Variants in SOX5 observed in about 807,000 individuals in gnomAD.
The protein encoded by SOX5 is SRY-box transcription factor 5.
In SOX5, 9 loss-of-function variants were observed where a neutral mutation model predicts 92.0. The observed-to-expected ratio is 0.10, with a 90% confidence interval of 0.06 to 0.17. SOX5 has a LOEUF of 0.17. SOX5 is among the 10% of genes least tolerant of loss of function. SOX5 has a pLI of 1.00. For synonymous variants in SOX5, 344 were observed against 336.3 expected, an observed-to-expected ratio of 1.02 and a Z score of -0.25; for missense variants, 642 against 944.5, an observed-to-expected ratio of 0.68 and a Z score of 4.20.
chr12:23,648,985 A>G (rs74461386), intron 7 of SOX5, among the ~76,000 whole-genome samples: 1,976 of 152,294 alleles, frequency 0.013, 16 homozygotes, highest in Non-Finnish European at 0.02. Context: ...CGCTATTTCA[A>G]TGATATTCAC....
chr12:24,206,150 T>A (rs773449414), intron 4 of SOX5, among the ~76,000 whole-genome samples: 1 of 152,368 alleles, frequency 6.6e-6, no homozygotes, highest in East Asian at 1.9e-4. Context: ...AATATCATAT[T>A]ATTTAGATAA....
chr12:23,792,711 A>T (rs546055757), intron 3 of SOX5, among the ~76,000 whole-genome samples: 1 of 149,076 alleles, frequency 6.7e-6, no homozygotes, highest in East Asian at 2.0e-4. Context: ...CTGCCAAAGA[A>T]TTCCTTGGAA....
intron 10 of SOX5, among the ~76,000 whole-genome samples, chr12:23,574,192 C>T (rs1286322577): frequency 6.6e-6 from 1 of 151,952 alleles, no homozygotes; most frequent in African/African-American, 2.4e-5. Context: ...TCTTTTCTTA[C>T]CACACACAGC....
chr12:23,601,186 A>G (rs1162372630), intron 9 of SOX5, among the ~76,000 whole-genome samples: 1 of 152,128 alleles, frequency 6.6e-6, no homozygotes, highest in Non-Finnish European at 1.5e-5. Context: ...CAGAGGACTC[A>G]TGCTGTACAA....
At chr12:23,885,658 T>C (rs1442133575) in intron 2 of SOX5, among the ~76,000 whole-genome samples, 2 of 152,188 alleles carry the variant, frequency 1.3e-5, no homozygotes, top group Admixed American at 1.3e-4. Flanking sequence ...TCACACCTCA[T>C]CTGCTTACAT....
At chr12:24,245,223 G>A (rs1594754028) in intron 3 of SOX5, among the ~76,000 whole-genome samples, 2 of 143,436 alleles carry the variant, frequency 1.4e-5, no homozygotes, top group East Asian at 4.1e-4. Context: ...CATCATTTGT[G>A]TTTGGAGAGA....
intron 1 of SOX5, among the ~76,000 whole-genome samples, chr12:24,468,941 GA>G (rs763324946): frequency 2.0e-5 from 3 of 152,166 alleles, no homozygotes; most frequent in Non-Finnish European, 4.4e-5. Context: ...TGTTTCCACA[GA>G]CCAGGGTGGA....
chr12:24,195,955 G>T (rs922990620), intron 4 of SOX5, among the ~76,000 whole-genome samples: 1 of 152,138 alleles, frequency 6.6e-6, no homozygotes, highest in Non-Finnish European at 1.5e-5. Flanking sequence ...AGTTATCTTG[G>T]CTCACTGCAA....
chr12:24,382,447 A>T (rs1349715074), intron 1 of SOX5, among the ~76,000 whole-genome samples: 1 of 151,848 alleles, frequency 6.6e-6, no homozygotes, highest in Non-Finnish European at 1.5e-5. Context: ...GGGGGTATGG[A>T]GGAAAATGGC....
chr12:23,867,547 T>G (rs981023856), intron 2 of SOX5, among the ~76,000 whole-genome samples: 3 of 152,144 alleles, frequency 2.0e-5, no homozygotes, highest in Non-Finnish European at 4.4e-5. Flanking sequence ...AAGCTGGTAA[T>G]TGTGTTACTA....
At chr12:23,907,416 A>G (rs1412208943) in intron 1 of SOX5, among the ~76,000 whole-genome samples, 2 of 152,208 alleles carry the variant, frequency 1.3e-5, no homozygotes, top group Non-Finnish European at 1.5e-5. Context: ...TCAATAATAT[A>G]TAATTCAAAA....
chr12:23,783,606 A>G (rs2095323976), intron 3 of SOX5, among the ~76,000 whole-genome samples: 1 of 152,228 alleles, frequency 6.6e-6, no homozygotes. Flanking sequence ...TAGCAAACAG[A>G]AAATAATAAA....
chr12:24,200,474 G>A (rs1237703610), intron 4 of SOX5, among the ~76,000 whole-genome samples: 1 of 151,722 alleles, frequency 6.6e-6, no homozygotes, highest in African/African-American at 2.4e-5. Context: ...AACTCTGATT[G>A]TAATAGTAAA....
At chr12:24,460,627 A>C (rs974709879) in intron 1 of SOX5, 1 of 152,196 alleles carries the variant, frequency 6.6e-6, no homozygotes, top group Non-Finnish European at 1.5e-5. Context: ...TCCCTGTAAA[A>C]GCATTTTCAC....
chr12:23,768,500 C>A (rs1490395348), intron 3 of SOX5, among the ~76,000 whole-genome samples: 1 of 152,268 alleles, frequency 6.6e-6, no homozygotes, highest in South Asian at 2.1e-4. Flanking sequence ...CTGGCCTCAA[C>A]TAATTGGAAG....
chr12:24,223,852 T>C lies in SOX5; in HGVS notation c.-76-10435A>G, dbSNP rs138179181. Among the ~76,000 whole-genome samples, 509 of 152,276 alleles carry C rather than the reference T, an allele frequency of 3.3e-3. 1 individual carries two copies. The highest frequency in any genetic ancestry group is 9.4e-3 in the African/African-American group (390 of 41,562). ...GTTTTGCTTCCGTTAGAAAATGTCA[T>C]CACGTTTCAGACTGACTCGACCTAT... On this transcript the variant is annotated intron_variant, in intron 3 of 4. Transcript: ENST00000446891.
At chr12:23,721,693 G>A (rs1347323820) in intron 6 of SOX5, among the ~76,000 whole-genome samples, 1 of 152,112 alleles carries the variant, frequency 6.6e-6, no homozygotes, top group Non-Finnish European at 1.5e-5. Flanking sequence ...ATAAACATTA[G>A]TAGTCAATTC....
chr12:24,260,111 G>A (rs868637392), intron 3 of SOX5, among the ~76,000 whole-genome samples: 4 of 152,192 alleles, frequency 2.6e-5, no homozygotes, highest in South Asian at 2.1e-4. Context: ...GGTATGAGAG[G>A]AGTGGGTGGG....
At chr12:24,177,819 T>A (rs1263505455) in intron 4 of SOX5, among the ~76,000 whole-genome samples, 2 of 148,732 alleles carry the variant, frequency 1.3e-5, no homozygotes, top group Non-Finnish European at 3.0e-5. Context: ...GTCACTAGGC[T>A]CTTGTCAAAC....
Sources: gnomAD v4.1 joint callset for allele counts (sites outside exome capture counted in the v4.1 genomes callset) on GRCh38, gnomAD v4.1.1 for gene constraint, MANE v1.5 for transcripts, NCBI Gene and HGNC (gene_info 2026-07-23, HGNC 2026-07-21) for gene names.